IFT140: variants seen among roughly 807,000 people sequenced by gnomAD.
IFT140 encodes intraflagellar transport 140, also known as intraflagellar transport protein 140 homolog.
A neutral mutation model predicts 164.6 loss-of-function variants in IFT140; 133 were observed. The observed-to-expected ratio is 0.81, with a 90% CI of 0.70 to 0.93. The LOEUF (loss-of-function observed/expected upper bound fraction) is 0.93, where lower values mean the gene tolerates loss of function less well. IFT140 is among the 40% of genes least tolerant of loss of function. The probability of loss-of-function intolerance (pLI) is 0.00; values close to 1 mark genes in which losing one functional copy is unlikely to be tolerated. For synonymous variants in IFT140, 860 were observed against 817.3 expected, an observed-to-expected ratio of 1.05 and a Z score of -0.89; for missense variants, 2,045 against 1,972.3, an observed-to-expected ratio of 1.04 and a Z score of -0.70.
intron 19 of IFT140, among the ~76,000 whole-genome samples, chr16:1,556,389 C>T (rs1220076067): frequency 6.6e-6 from 1 of 152,246 alleles, no homozygotes; most frequent in African/African-American, 2.4e-5. Context: ...TGGCCTGGCG[C>T]CTCCTCTGCC....
At chr16:1,535,097 G>A (rs1050217370) in intron 19 of IFT140, among the ~76,000 whole-genome samples, 5 of 152,000 alleles carry the variant, frequency 3.3e-5, no homozygotes, top group Admixed American at 6.6e-5. Context: ...AAATAAACAA[G>A]AAGTTTAAAA....
At chr16:1,543,721 A>G (rs200218089) in intron 19 of IFT140, among the ~76,000 whole-genome samples, 1 of 152,220 alleles carries the variant, frequency 6.6e-6, no homozygotes, top group East Asian at 1.9e-4. Context: ...CTGCAGGGAA[A>G]ACATGAGACT....
chr16:1,568,443 G>C (rs1379251692), intron 14 of IFT140, 109 bp from the exon 15 acceptor site: 32 of 884,382 alleles, frequency 3.6e-5, no homozygotes, highest in Non-Finnish European at 5.3e-5. Flanking sequence ...CTCTTAGGCT[G>C]CTTCTCACCC....
At position 1,545,398 on chromosome 16, in the gene IFT140, C is replaced by T. The variant is rs189107927; in HGVS notation, c.2399+12537G>A. 3.9e-5 allele frequency among the ~76,000 whole-genome samples: 6 copies of T among 152,340 alleles called. No individual in the cohort carries two copies. In the East Asian group the frequency reaches 1.2e-3, roughly 29 times the overall value. On this transcript the variant is annotated intron_variant, in intron 19 of 30. Transcript: ENST00000426508. ...TGTCCAACCATCACCCCTAACGGGT[C>T]TGTTTTGCCCAAAAAGGAAATGCAT...
At chr16:1,546,238 G>A (rs1318058553) in intron 19 of IFT140, among the ~76,000 whole-genome samples, 1 of 152,246 alleles carries the variant, frequency 6.6e-6, no homozygotes, top group East Asian at 1.9e-4. Context: ...CCTGACGCCT[G>A]AGTGGCACAA....
At chr16:1,574,689 C>T (rs757709148) in intron 13 of IFT140, among the ~76,000 whole-genome samples, 3 of 152,188 alleles carry the variant, frequency 2.0e-5, no homozygotes, top group Non-Finnish European at 4.4e-5. Context: ...GACCAGCCCT[C>T]CTGCCTCCCT....
intron 19 of IFT140, among the ~76,000 whole-genome samples, chr16:1,556,699 G>A (rs532459444): frequency 4.6e-5 from 7 of 152,218 alleles, no homozygotes; most frequent in African/African-American, 1.7e-4. Context: ...CACACTAGCA[G>A]GGATAGTTGA....
At chr16:1,605,564 C>G (rs111276883) in intron 3 of IFT140, among the ~76,000 whole-genome samples, 1 of 152,042 alleles carries the variant, frequency 6.6e-6, no homozygotes, top group African/African-American at 2.4e-5. Flanking sequence ...CGCCACCACG[C>G]CCGGCTAATT....
chr16:1,596,287 C>A (rs2035460348), intron 4 of IFT140, among the ~76,000 whole-genome samples: 1 of 152,114 alleles, frequency 6.6e-6, no homozygotes, highest in Admixed American at 6.6e-5. Context: ...TCCTCAGAGG[C>A]ATTCATTCCT....
rs2032590531 is a variant in IFT140 at position 1,551,012 on chromosome 16, G to A, written c.2399+6923C>T. ...CAGGGTAGCGGCATCTACGTGATCT[G>A]GCCAAAGGGCTCTGTCCCTTTGAGG... is the stretch of plus-strand genomic sequence containing the variant. On this transcript the variant is annotated intron_variant, in intron 19 of 30. Coordinates refer to ENST00000426508, the MANE Select transcript of IFT140 (RefSeq NM_014714.4). This position sits in a 1 kb window ranked among gnomAD's most constrained non-coding sequence, Gnocchi z 4.0. Among the ~76,000 whole-genome samples the A allele has an allele frequency of 6.6e-6, 1 of 152,188 alleles. No homozygotes were observed. The highest frequency in any genetic ancestry group is 1.9e-4 in the East Asian group (1 of 5,184).
At chr16:1,557,285 G>T (rs78753725) in intron 19 of IFT140, among the ~76,000 whole-genome samples, 2 of 152,140 alleles carry the variant, frequency 1.3e-5, no homozygotes, top group African/African-American at 4.8e-5. Context: ...GCCCGGCAGG[G>T]GGAATGAAGG....
At position 1,584,228 on chromosome 16, in the gene IFT140, A is replaced by ACACTC; in HGVS notation, c.1343_1347dup (p.Phe450GlufsTer40). 2 of 1,613,418 alleles carry ACACTC rather than the reference A, an allele frequency of 1.2e-6. No individual in the cohort carries two copies. Among genetic ancestry groups the ACACTC allele is most frequent in the Non-Finnish European group, 1.7e-6 (2 of 1,179,798 alleles). On this transcript the variant is annotated frameshift_variant, in exon 11 of 31. Transcript: ENST00000426508. LOFTEE classifies it high-confidence loss of function. Reference sequence around the variant, plus strand: ...CCCTCGGCAGTCACCTTGGTGGCAAACACTCCACTGATGTGCATGTCGGTG... The same window carrying ACACTC: ...CCCTCGGCAGTCACCTTGGTGGCAAACACTCCACTCCACTGATGTGCATGTCGGTG...
At chr16:1,534,668 C>T in intron 19 of IFT140, 1 of 1,482,482 alleles carries the variant, frequency 6.7e-7, no homozygotes, top group Non-Finnish European at 9.2e-7. Context: ...CCTGCTCTGC[C>T]CTGAGCGTGG....
At chr16:1,587,409 C>CAT in intron 8 of IFT140, 105 bp from the exon 9 acceptor site, 1 of 711,244 alleles carries the variant, frequency 1.4e-6, no homozygotes, top group East Asian at 2.5e-5. Flanking sequence ...AGGAAAAAGA[C>CAT]ATAGTTCATC....
At chr16:1,590,145 G>A (rs1313443946) in intron 6 of IFT140, among the ~76,000 whole-genome samples, 1 of 144,792 alleles carries the variant, frequency 6.9e-6, no homozygotes, top group African/African-American at 2.6e-5. Flanking sequence ...AGGTTGCAGT[G>A]AGCCAAGATT....
Position 1,511,116 on chromosome 16 carries a change from A to AGCC in IFT140, c.4214_4216dup (p.Arg1405dup), listed in dbSNP as rs754312950. On this transcript the variant is annotated inframe_insertion, in exon 31 of 31. Coordinates refer to ENST00000426508, the MANE Select transcript of IFT140 (RefSeq NM_014714.4). ...GTAGTAGGACATGTTGGCCAAGGGA[A>AGCC]GCCGCCGCCGCATCTCCTCCAGGAA... 240 of 1,609,296 alleles carry AGCC rather than the reference A, an allele frequency of 1.5e-4. No homozygotes were observed. In the African/African-American group the frequency reaches 2.6e-3, roughly 18 times the overall value.
At chr16:1,539,056 C>CGCCTCAGGCCTCAGCAA (rs1365547604) in intron 19 of IFT140, among the ~76,000 whole-genome samples, 1 of 149,496 alleles carries the variant, frequency 6.7e-6, no homozygotes, top group African/African-American at 2.5e-5. Context: ...GATGGCCCCA[C>CGCCTCAGGCCTCAGCAA]GCCTCAGGCC....
intron 19 of IFT140, chr16:1,554,084 GGA>G: frequency 2.3e-6 from 3 of 1,287,180 alleles, no homozygotes; most frequent in Non-Finnish European, 3.0e-6. Flanking sequence ...CTGCCAGGGA[GGA>G]GGGAGGGTCT....
chr16:1,563,611 G>A (rs771151333), intron 17 of IFT140, among the ~76,000 whole-genome samples: 5 of 152,010 alleles, frequency 3.3e-5, no homozygotes, highest in African/African-American at 4.8e-5. Flanking sequence ...ACCACACACC[G>A]TGGCTTTTCT....
Sources: allele counts gnomAD v4.1 joint callset (sites outside exome capture counted in the v4.1 genomes callset), GRCh38; gene constraint gnomAD v4.1.1; non-coding constraint Gnocchi (gnomAD v3.1); transcripts MANE v1.5; gene names NCBI Gene and HGNC (gene_info 2026-07-23, HGNC 2026-07-21).